ME3: variants seen among roughly 807,000 people sequenced by gnomAD.
ME3 encodes the protein malic enzyme 3.
ME3 carries 48 observed loss-of-function variants against 68.9 expected under a neutral mutation model. The observed-to-expected ratio is 0.70, with a 90% CI of 0.55 to 0.89. The LOEUF (loss-of-function observed/expected upper bound fraction) is 0.89, where lower values mean the gene tolerates loss of function less well. Among genes scored for constraint, ME3 ranks in the 40% least tolerant of loss-of-function variants. The probability of loss-of-function intolerance (pLI) is 0.00; values close to 1 mark genes in which losing one functional copy is unlikely to be tolerated. For missense variants in ME3, 675 were observed against 797.4 expected, an observed-to-expected ratio of 0.85 and a Z score of 1.85; for synonymous variants, 320 against 318.8, an observed-to-expected ratio of 1.00 and a Z score of -0.04.
exon 9 of ME3, chr11:86,450,394 T>G: frequency 6.2e-7 from 1 of 1,613,836 alleles, no homozygotes; most frequent in Non-Finnish European, 8.5e-7. Context: ...CAACGGAGGC[T>G]GTGCCTGAAA....
At chr11:86,626,489 G>C (rs1287856636) in intron 2 of ME3, among the ~76,000 whole-genome samples, 1 of 152,200 alleles carries the variant, frequency 6.6e-6, no homozygotes, top group Non-Finnish European at 1.5e-5. Flanking sequence ...CCTCTCCTCA[G>C]AAGTCTGGGT....
At chr11:86,527,557 G>A (rs1171004245) in intron 4 of ME3, among the ~76,000 whole-genome samples, 1 of 152,168 alleles carries the variant, frequency 6.6e-6, no homozygotes, top group Non-Finnish European at 1.5e-5. Flanking sequence ...ATAATTGTCA[G>A]ATTCACCAAA....
At chr11:86,569,257 G>A (rs1377325351) in intron 2 of ME3, among the ~76,000 whole-genome samples, 2 of 152,156 alleles carry the variant, frequency 1.3e-5, no homozygotes, top group Non-Finnish European at 2.9e-5. Flanking sequence ...ACATCACAAC[G>A]TAACTGCTTG....
downstream of ME3, among the ~76,000 whole-genome samples, chr11:86,439,703 G>A (rs771056403): frequency 1.3e-5 from 2 of 152,206 alleles, no homozygotes; most frequent in Non-Finnish European, 2.9e-5. Context: ...GTCTTGGTTA[G>A]TATAGCTAAA....
At chr11:86,581,040 T>C (rs1351151953) in intron 2 of ME3, among the ~76,000 whole-genome samples, 1 of 152,126 alleles carries the variant, frequency 6.6e-6, no homozygotes, top group Non-Finnish European at 1.5e-5. Flanking sequence ...GGAATTGAAG[T>C]GAAATATTCT....
chr11:86,656,192 G>C (rs1163639702), intron 2 of ME3, among the ~76,000 whole-genome samples: 1 of 151,406 alleles, frequency 6.6e-6, no homozygotes, highest in African/African-American at 2.4e-5. Flanking sequence ...TCAGTGTGGC[G>C]ATTCCTCAGG....
chr11:86,488,527 A>G (rs536644469), intron 6 of ME3, among the ~76,000 whole-genome samples: 47 of 151,860 alleles, frequency 3.1e-4, no homozygotes, highest in Non-Finnish European at 5.2e-4. Context: ...TCACCTTAAC[A>G]CCTAGCCTGT....
At chr11:86,650,468 T>A (rs1565271989) in intron 2 of ME3, among the ~76,000 whole-genome samples, 1 of 152,128 alleles carries the variant, frequency 6.6e-6, no homozygotes, top group Non-Finnish European at 1.5e-5. Flanking sequence ...GGGATCTAGT[T>A]AAACTAAAGA....
chr11:86,635,293 C>G (rs983272215), intron 2 of ME3, among the ~76,000 whole-genome samples: 1 of 152,198 alleles, frequency 6.6e-6, no homozygotes, highest in Non-Finnish European at 1.5e-5. Context: ...TCTCCACCTG[C>G]ATACACTGAG....
intron 2 of ME3, among the ~76,000 whole-genome samples, chr11:86,628,104 T>A (rs1490615036): frequency 6.6e-6 from 1 of 152,246 alleles, no homozygotes; most frequent in Non-Finnish European, 1.5e-5. Flanking sequence ...AGACATCTTT[T>A]GGGTGCTGGC....
In ME3 at chr11:86,658,606, G is replaced by A. The variant is rs115630841; in HGVS notation, c.183+13156C>T. Among the ~76,000 whole-genome samples the A allele has an allele frequency of 8.8e-3, 1,333 of 152,242 alleles. 26 individuals are homozygous for A. The highest frequency in any genetic ancestry group is 0.03 in the African/African-American group (1,246 of 41,538). On this transcript the variant is annotated intron_variant, in intron 2 of 14. Coordinates refer to ENST00000543262, the Ensembl canonical transcript of ME3. ...AGATCACAGAACATTGAATAGCTCA[G>A]TTAACAAGAGAGTGGCTAAGGATGC...
chr11:86,481,448 T>G (rs968934103), intron 7 of ME3, among the ~76,000 whole-genome samples: 17 of 152,334 alleles, frequency 1.1e-4, no homozygotes, highest in Non-Finnish European at 8.8e-5. Context: ...CCAGGCCTTC[T>G]GTGGCATAGG....
chr11:86,560,752 A>ATGTG lies in ME3; in HGVS notation c.184-930_184-929insCACA, dbSNP rs1565953971. Among the ~76,000 whole-genome samples the ATGTG allele has an allele frequency of 8.2e-4, 56 of 68,184 alleles. 2 individuals are homozygous for ATGTG. In the South Asian group the frequency reaches 9.7e-3, roughly 12 times the overall value. The allele number at this position is 68,184 out of a possible 152,430, so 44.7% of individuals were successfully genotyped here. On this transcript the variant is annotated intron_variant, in intron 2 of 14. Coordinates refer to ENST00000543262, the Ensembl canonical transcript of ME3. ...TGTGTGTGTGTGTGTGTGTGTGTAT[A>ATGTG]TATATATATATATATATATATTTCC...
intron 2 of ME3, among the ~76,000 whole-genome samples, chr11:86,659,270 T>A (rs1253560621): frequency 6.6e-6 from 1 of 152,190 alleles, no homozygotes; most frequent in Non-Finnish European, 1.5e-5. Context: ...CAAGTTTTTT[T>A]ATGGAGAGAC....
intron 2 of ME3, among the ~76,000 whole-genome samples, chr11:86,574,211 A>G (rs1376377160): frequency 1.3e-5 from 2 of 152,106 alleles, no homozygotes; most frequent in Non-Finnish European, 2.9e-5. Flanking sequence ...ACTTCTGTCA[A>G]TTCGTCAATC....
At chr11:86,622,012 A>G (rs929927128) in intron 2 of ME3, among the ~76,000 whole-genome samples, 1 of 151,926 alleles carries the variant, frequency 6.6e-6, no homozygotes, top group African/African-American at 2.4e-5. Flanking sequence ...CTAGGGCTCT[A>G]TGTTAAATAT....
At chr11:86,439,577 G>A (rs117563385), downstream of ME3, among the ~76,000 whole-genome samples, 966 of 152,338 alleles carry the variant, frequency 6.3e-3, 5 homozygotes, top group Non-Finnish European at 9.9e-3. Flanking sequence ...TTCCCAGAAG[G>A]AGAGACCAAG....
At chr11:86,631,479 GA>G in intron 2 of ME3, among the ~76,000 whole-genome samples, 1 of 152,258 alleles carries the variant, frequency 6.6e-6, no homozygotes, top group Middle Eastern at 3.4e-3. Flanking sequence ...CGTGGGCAAT[GA>G]AGGGGTTTAG....
In ME3 at chr11:86,581,610, C is replaced by T. The variant is rs74366511; in HGVS notation, c.184-21787G>A. Among the ~76,000 whole-genome samples the T allele has an allele frequency of 6.3e-3, 957 of 152,196 alleles. 10 individuals are homozygous for T. Among genetic ancestry groups the T allele is most frequent in the African/African-American group, 0.022 (924 of 41,520 alleles). On this transcript the variant is annotated intron_variant, in intron 2 of 14. Transcript: ENST00000543262. ...AAGAGCAATGCTTTGCATTATGTCC[C>T]CAGAATCATTTTAATTCCAGATGCA...
Sources: allele counts gnomAD v4.1 joint callset (sites outside exome capture counted in the v4.1 genomes callset), GRCh38; gene constraint gnomAD v4.1.1; transcripts MANE v1.5; gene names NCBI Gene and HGNC (gene_info 2026-07-23, HGNC 2026-07-21).